The following ABCC2 variants were observed in gnomAD, a reference collection of about 807,000 sequenced individuals.
ABCC2 encodes ATP-binding cassette sub-family C member 2.
Under a neutral mutation model 173.4 loss-of-function variants are expected in ABCC2, and 157 were observed. The ratio of observed to expected loss-of-function variants is 0.91; its 90% CI spans 0.80 to 1.03. The LOEUF is 1.03. ABCC2 is among the 50% of genes least tolerant of loss of function. The pLI is 0.00. For synonymous variants in ABCC2, 657 were observed against 693.5 expected (o/e 0.95, Z 0.83); for missense variants, 1,822 against 1,852.3 (o/e 0.98, Z 0.30).
At chr10:99,851,406 C>A (rs2085622060) in intron 31 of ABCC2, 96 bp from the exon 32 acceptor site, 1 of 1,444,174 alleles carries the variant, frequency 6.9e-7, no homozygotes, top group Admixed American at 1.7e-5. Flanking sequence ...GTAGCCTTGT[C>A]TGACTATACC....
chr10:99,806,370 A>G (rs938261346), intron 11 of ABCC2, among the ~76,000 whole-genome samples: 16 of 152,142 alleles, frequency 1.1e-4, no homozygotes, highest in African/African-American at 3.9e-4. Flanking sequence ...TGCTGGCAGC[A>G]CATTAGAATC....
At chr10:99,814,899 G>A (rs559010584) in intron 16 of ABCC2, among the ~76,000 whole-genome samples, 4 of 151,148 alleles carry the variant, frequency 2.6e-5, no homozygotes, top group Non-Finnish European at 5.9e-5. Context: ...CACCTCCTGG[G>A]TTCAAGCAAT....
At position 99,793,557 on chromosome 10, in the gene ABCC2, G is replaced by A; in HGVS notation, c.340G>A (p.Val114Ile). 6.2e-7 allele frequency: 1 copy of A among 1,614,056 alleles called. No individual in the cohort carries two copies. The highest frequency in any genetic ancestry group is 8.5e-7 in the Non-Finnish European group (1 of 1,179,984). The change falls in exon 4 of 32, where the codon GTT becomes ATT. Residue 114 changes from valine to isoleucine, a missense_variant. Coordinates refer to ENST00000647814, the MANE Select transcript of ABCC2 (RefSeq NM_000392.5). ...PSLYLGTWLL[V>I]LLIQYSRQWC... is the part of the protein sequence containing the mutation. ...CATGTGAATTTCTCTCCAGCTCCTG[G>A]TTTTGCTGATCCAATACAGCAGACA...
chr10:99,797,067 G>T lies in ABCC2; in HGVS notation c.633-30G>T, dbSNP rs17222751. The T allele has an allele frequency of 2.2e-3, 3,496 of 1,601,136 alleles. 43 individuals carry two copies. In the African/African-American group the frequency reaches 0.033, roughly 15 times the overall value. On this transcript the variant is annotated intron_variant, in intron 6 of 31. Coordinates refer to ENST00000647814, the MANE Select transcript of ABCC2 (RefSeq NM_000392.5). ...AGATAGCCTCTGACCCAGCCTGGGG[G>T]TCTCAGCCTGTGGTTCGCTCTTGTT... is the stretch of plus-strand genomic sequence containing the variant.
chr10:99,846,728 A>AACTC (rs35852420), intron 29 of ABCC2, among the ~76,000 whole-genome samples: 8,343 of 152,182 alleles, frequency 0.055, 250 homozygotes, highest in Middle Eastern at 0.18. Flanking sequence ...AACAGAGTGA[A>AACTC]AGCCTCAAAA....
intron 30 of ABCC2, among the ~76,000 whole-genome samples, chr10:99,847,622 T>C (rs1214757532): frequency 7.1e-6 from 1 of 141,608 alleles, no homozygotes; most frequent in Non-Finnish European, 1.5e-5. Flanking sequence ...AATCAACTCT[T>C]GAAAACCTTT....
chr10:99,813,373 G>A (rs779793309), intron 16 of ABCC2, among the ~76,000 whole-genome samples: 7 of 152,150 alleles, frequency 4.6e-5, no homozygotes, highest in Admixed American at 1.3e-4. Flanking sequence ...ATTCTCATAC[G>A]CATACTACAG....
chr10:99,828,104 T>C (rs930987855), intron 19 of ABCC2, among the ~76,000 whole-genome samples: 9 of 150,426 alleles, frequency 6.0e-5, no homozygotes, highest in Non-Finnish European at 1.3e-4. Flanking sequence ...TGGGCAGTTT[T>C]CCCATACTAA....
At chr10:99,786,974 C>T (rs1286134694) in intron 2 of ABCC2, among the ~76,000 whole-genome samples, 1 of 151,040 alleles carries the variant, frequency 6.6e-6, no homozygotes, top group Non-Finnish European at 1.5e-5. Flanking sequence ...TGCACTCCAG[C>T]CTGGGTGACA....
chr10:99,814,178 TG>T (rs1564683423), intron 16 of ABCC2, among the ~76,000 whole-genome samples: 16 of 76,894 alleles, frequency 2.1e-4, no homozygotes, highest in African/African-American at 3.7e-4. Flanking sequence ...TATACACACA[TG>T]TATGTATACA....
rs775359039 is a variant in ABCC2 at position 99,811,522 on chromosome 10, C to A, written c.1901-14C>A. 2 of 1,613,878 alleles carry A rather than the reference C, an allele frequency of 1.2e-6. No individual in the cohort carries two copies. Among genetic ancestry groups the A allele is most frequent in the African/African-American group, 2.7e-5 (2 of 74,892 alleles). On this transcript the variant is annotated splice_polypyrimidine_tract_variant and intron_variant, in intron 14 of 31. Transcript: ENST00000647814. ...GGACCTACATTGGACTAAAAGAGGG[C>A]TTTTTCTCAACAGACAAAGCCATGC...
chr10:99,851,776 C>CTGG lies in ABCC2; in HGVS notation c.*145_*146insTGG. 1.3e-6 allele frequency: 1 copy of CTGG among 792,132 alleles called. No homozygotes were observed. Among genetic ancestry groups the CTGG allele is most frequent in the Non-Finnish European group, 1.9e-6 (1 of 527,304 alleles). The allele number at this position is 792,132 out of a possible 1,614,324, so 49.1% of individuals were successfully genotyped here. A position where few individuals can be genotyped will look rare whatever the true frequency, so the allele number is the denominator to read the frequency against. ...AGTGAACACCCATGAACCTACTACC[C>CTGG]AGGTTAAGAAAATAAATGTCACCAG... On this transcript the variant is annotated 3_prime_UTR_variant, in exon 32 of 32. Coordinates refer to ENST00000647814, the MANE Select transcript of ABCC2 (RefSeq NM_000392.5).
chr10:99,849,721 C>T (rs967853719), intron 30 of ABCC2, among the ~76,000 whole-genome samples: 4 of 152,210 alleles, frequency 2.6e-5, no homozygotes, highest in Admixed American at 6.5e-5. Context: ...TCTTACATTA[C>T]AGGGGAAAAC....
At chr10:99,816,686 C>A (rs753949060) in intron 16 of ABCC2, among the ~76,000 whole-genome samples, 1 of 152,170 alleles carries the variant, frequency 6.6e-6, no homozygotes, top group South Asian at 2.1e-4. Context: ...TGTTGGGAAC[C>A]AGGCTACACA....
chr10:99,820,806 C>T (rs2038522265), intron 19 of ABCC2, among the ~76,000 whole-genome samples: 1 of 152,084 alleles, frequency 6.6e-6, no homozygotes, highest in Non-Finnish European at 1.5e-5. Context: ...AAACAAAAAG[C>T]ACCTGTGAAG....
intron 19 of ABCC2, among the ~76,000 whole-genome samples, chr10:99,825,840 C>T (rs191335234): frequency 9.5e-4 from 145 of 152,274 alleles, no homozygotes; most frequent in African/African-American, 3.2e-3. Context: ...CCGCTCGTGG[C>T]GGGGGACAAT....
Position 99,844,752 on chromosome 10 carries a change from G to A in ABCC2, c.3987+287G>A, listed in dbSNP as rs187845329. On this transcript the variant is annotated intron_variant, in intron 28 of 31. Coordinates refer to ENST00000647814, the MANE Select transcript of ABCC2 (RefSeq NM_000392.5). ...CTATAAGGTCCACAGTATGCAGAGA[G>A]GAAGTCAGGAAGGAAACAAGGGGGC... Among the ~76,000 whole-genome samples the A allele has an allele frequency of 1.3e-3, 195 of 152,320 alleles. 1 individual carries two copies. Among genetic ancestry groups the A allele is most frequent in the South Asian group, 6.6e-3 (32 of 4,826 alleles).
rs1305343825 is a variant in ABCC2, at chr10:99,847,130, A to T, written c.4313+3A>T. The T allele has an allele frequency of 6.2e-7, 1 of 1,613,998 alleles. No individual in the cohort carries two copies. Among genetic ancestry groups the T allele is most frequent in the Non-Finnish European group, 8.5e-7 (1 of 1,180,032 alleles). Reference sequence around the variant, plus strand: ...ACAGAGGCTGGTGGCAACCTGAGGTAATGTTCCATAGCCTGCTACCCCTGC... The same window carrying T: ...ACAGAGGCTGGTGGCAACCTGAGGTTATGTTCCATAGCCTGCTACCCCTGC... On this transcript the variant is annotated splice_donor_region_variant and intron_variant, in intron 30 of 31. Coordinates refer to ENST00000647814, the MANE Select transcript of ABCC2 (RefSeq NM_000392.5).
chr10:99,844,628 G>A (rs1240349445), intron 28 of ABCC2, among the ~76,000 whole-genome samples, 163 bp downstream of exon 28: 1 of 152,152 alleles, frequency 6.6e-6, no homozygotes, highest in African/African-American at 2.4e-5. Flanking sequence ...GTATCAGAGG[G>A]AAGGATAGCA....
Sources: gnomAD v4.1 joint callset for allele counts (sites outside exome capture counted in the v4.1 genomes callset) on GRCh38, gnomAD v4.1.1 for gene constraint, MANE v1.5 for transcripts, NCBI Gene and HGNC (gene_info 2026-07-23, HGNC 2026-07-21) for gene names.